Variants in SGCZ observed in about 807,000 individuals in gnomAD.
SGCZ encodes the protein sarcoglycan zeta.
SGCZ carries 40 observed loss-of-function variants against 41.3 expected under a neutral mutation model. That is an observed-to-expected ratio of 0.97 (90% CI 0.75 to 1.26). The LOEUF (loss-of-function observed/expected upper bound fraction) is 1.26. SGCZ is among the 50% of genes most tolerant of loss of function. The pLI is 0.00. For missense variants in SGCZ, 552 were observed against 369.8 expected (o/e 1.49, Z -4.04); for synonymous variants, 206 against 137.5 (o/e 1.50, Z -3.49).
At chr8:15,117,349 A>T (rs1343420356) in intron 1 of SGCZ, among the ~76,000 whole-genome samples, 4 of 151,472 alleles carry the variant, frequency 2.6e-5, no homozygotes, top group Non-Finnish European at 5.9e-5. Context: ...ACAGAGCGAG[A>T]CTCCATCTCA....
intron 1 of SGCZ, among the ~76,000 whole-genome samples, chr8:14,689,060 T>TA (rs1199583583): frequency 6.6e-6 from 1 of 152,158 alleles, no homozygotes; most frequent in East Asian, 1.9e-4. Context: ...TTTCAATTGT[T>TA]AAAATTATTA....
intron 1 of SGCZ, among the ~76,000 whole-genome samples, chr8:14,964,924 G>A (rs927590666): frequency 1.3e-5 from 2 of 152,050 alleles, no homozygotes; most frequent in African/African-American, 4.8e-5. Context: ...GACTGAACCT[G>A]GTGAACCCTA....
rs139339044 is a variant in SGCZ, at chr8:14,251,513, T to C, written c.337-13834A>G. Among the ~76,000 whole-genome samples, 92 of 152,296 alleles carry C rather than the reference T, an allele frequency of 6.0e-4. No homozygotes were observed. The East Asian group carries it at 0.016, about 27-fold the overall frequency. On this transcript the variant is annotated intron_variant, in intron 3 of 7. Coordinates refer to ENST00000382080, the MANE Select transcript of SGCZ (RefSeq NM_139167.4). ...ATGTCTGTATTATACCAAAGTATTA[T>C]ATTTTAATAAGAGACAGTCAGCTGC...
intron 1 of SGCZ, among the ~76,000 whole-genome samples, chr8:15,016,342 G>T (rs1364145616): frequency 1.3e-5 from 2 of 152,170 alleles, no homozygotes; most frequent in African/African-American, 4.8e-5. Flanking sequence ...ATACACAGCA[G>T]ATGCTAAGCC....
chr8:15,216,959 TC>T (rs2117174245), intron 1 of SGCZ, among the ~76,000 whole-genome samples: 1 of 152,242 alleles, frequency 6.6e-6, no homozygotes, highest in Non-Finnish European at 1.5e-5. Context: ...GGGTAAAGAA[TC>T]TTACCATCAT....
intron 2 of SGCZ, among the ~76,000 whole-genome samples, chr8:14,459,039 A>T (rs1215049411): frequency 6.6e-6 from 1 of 152,182 alleles, no homozygotes; most frequent in Non-Finnish European, 1.5e-5. Flanking sequence ...AAAATTAATA[A>T]AGACAGTATT....
intron 7 of SGCZ, among the ~76,000 whole-genome samples, chr8:14,102,091 T>C (rs1189599073): frequency 1.1e-5 from 1 of 93,290 alleles, no homozygotes; most frequent in African/African-American, 4.8e-5. Context: ...TATATATATA[T>C]ATATATATAT....
intron 5 of SGCZ, among the ~76,000 whole-genome samples, chr8:14,125,829 A>G (rs1262665907): frequency 6.6e-6 from 1 of 152,186 alleles, no homozygotes; most frequent in Non-Finnish European, 1.5e-5. Context: ...ACACCTCTAC[A>G]TCCATCTGAT....
intron 4 of SGCZ, among the ~76,000 whole-genome samples, chr8:14,196,669 G>T (rs1283050642): frequency 6.6e-6 from 1 of 152,002 alleles, no homozygotes; most frequent in Non-Finnish European, 1.5e-5. Context: ...TAAACAACAG[G>T]TAGTAAATGT....
intron 1 of SGCZ, among the ~76,000 whole-genome samples, chr8:14,627,044 C>T (rs985775088): frequency 6.6e-6 from 1 of 152,152 alleles, no homozygotes; most frequent in African/African-American, 2.4e-5. Flanking sequence ...TAGCTAATCT[C>T]TTTAATCTTG....
At chr8:14,745,179 T>G (rs1799307231) in intron 1 of SGCZ, among the ~76,000 whole-genome samples, 1 of 150,998 alleles carries the variant, frequency 6.6e-6, no homozygotes, top group South Asian at 2.1e-4. Context: ...CAACATCACT[T>G]CATTTTCTGT....
intron 3 of SGCZ, among the ~76,000 whole-genome samples, chr8:14,313,430 C>G (rs1801610957): frequency 6.6e-6 from 1 of 152,292 alleles, no homozygotes; most frequent in East Asian, 1.9e-4. Flanking sequence ...TCTCATGCCT[C>G]AGCCTCCTCC....
intron 1 of SGCZ, among the ~76,000 whole-genome samples, chr8:14,931,754 G>C (rs1177507216): frequency 1.3e-5 from 2 of 151,936 alleles, no homozygotes; most frequent in Non-Finnish European, 2.9e-5. Flanking sequence ...TCATTAAAAA[G>C]AGCTTTGTCC....
intron 2 of SGCZ, among the ~76,000 whole-genome samples, chr8:14,390,775 A>T (rs1452387151): frequency 6.6e-6 from 1 of 152,070 alleles, no homozygotes; most frequent in Admixed American, 6.6e-5. Context: ...TTGGCAGTAT[A>T]TTAGCAAAAT....
rs149135630 is a variant in SGCZ at position 15,017,375 on chromosome 8, G to C, written c.39+220210C>G. On this transcript the variant is annotated intron_variant, in intron 1 of 7. Coordinates refer to ENST00000382080, the MANE Select transcript of SGCZ (RefSeq NM_139167.4). ...TCACTGCACACGTACAGTGAGGCCT[G>C]ATCCACAGTGGACCTTGGTTGAGCT... is the stretch of plus-strand genomic sequence containing the variant. Among the ~76,000 whole-genome samples the C allele has an allele frequency of 6.1e-3, 936 of 152,308 alleles. 7 individuals carry two copies. Among genetic ancestry groups the C allele is most frequent in the African/African-American group, 0.021 (862 of 41,564 alleles).
At chr8:14,421,840 G>C (rs1799645374) in intron 2 of SGCZ, among the ~76,000 whole-genome samples, 1 of 152,070 alleles carries the variant, frequency 6.6e-6, no homozygotes, top group East Asian at 1.9e-4. Flanking sequence ...AGGAAAAATA[G>C]TTTATTTAAA....
At chr8:14,103,533 A>C (rs570210053) in intron 6 of SGCZ, among the ~76,000 whole-genome samples, 6 of 152,286 alleles carry the variant, frequency 3.9e-5, no homozygotes, top group Admixed American at 2.6e-4. Flanking sequence ...AACCACCTCA[A>C]ATGGTTAGGT....
intron 1 of SGCZ, among the ~76,000 whole-genome samples, chr8:14,935,401 G>C (rs528914654): frequency 4.0e-5 from 6 of 150,702 alleles, no homozygotes; most frequent in African/African-American, 1.2e-4. Flanking sequence ...CCATTCACCT[G>C]TTGAAGGACA....
chr8:15,023,044 G>C (rs1200918523), intron 1 of SGCZ, among the ~76,000 whole-genome samples: 2 of 152,158 alleles, frequency 1.3e-5, no homozygotes, highest in African/African-American at 4.8e-5. Flanking sequence ...TGATTAGTCA[G>C]TCAGCTATCA....
Sources: allele counts gnomAD v4.1 joint callset (sites outside exome capture counted in the v4.1 genomes callset), GRCh38; gene constraint gnomAD v4.1.1; transcripts MANE v1.5; gene names NCBI Gene and HGNC (gene_info 2026-07-23, HGNC 2026-07-21).